The following ELOVL5 variants were observed in gnomAD, a reference collection of about 807,000 sequenced individuals.
ELOVL5 encodes the protein very long chain fatty acid elongase 5.
A neutral mutation model predicts 38.6 loss-of-function variants in ELOVL5; 8 were observed. The observed-to-expected ratio is 0.21, with a 90% CI of 0.12 to 0.37. ELOVL5 has a LOEUF of 0.37. Among genes scored for constraint, ELOVL5 ranks in the 10% least tolerant of loss-of-function variants. ELOVL5 has a pLI of 1.00. For missense variants in ELOVL5, 280 were observed against 367.8 expected (o/e 0.76, Z 1.95); for synonymous variants, 127 against 133.7 (o/e 0.95, Z 0.34).
intron 1 of ELOVL5, among the ~76,000 whole-genome samples, chr6:53,314,307 G>A (rs549985652): frequency 1.3e-5 from 2 of 152,244 alleles, no homozygotes; most frequent in Admixed American, 1.3e-4. Flanking sequence ...ACAAAACGAA[G>A]GAAAGCCAGT....
At chr6:53,328,594 A>G (rs1477978006) in intron 1 of ELOVL5, among the ~76,000 whole-genome samples, 1 of 152,228 alleles carries the variant, frequency 6.6e-6, no homozygotes, top group African/African-American at 2.4e-5. Flanking sequence ...GCAATTTTTT[A>G]TTAAAACAAA....
At chr6:53,347,907 G>A (rs1455520074) in intron 1 of ELOVL5, among the ~76,000 whole-genome samples, 1 of 152,152 alleles carries the variant, frequency 6.6e-6, no homozygotes, top group East Asian at 1.9e-4. Flanking sequence ...TTGCTCCGTC[G>A]ACCCGAGGTG....
intron 2 of ELOVL5, among the ~76,000 whole-genome samples, chr6:53,292,561 C>A (rs553485543): frequency 6.6e-6 from 1 of 152,208 alleles, no homozygotes; most frequent in Non-Finnish European, 1.5e-5. Context: ...GATGCCAAGG[C>A]GGGTGGATCA....
chr6:53,335,223 A>G (rs1769000131), intron 1 of ELOVL5, among the ~76,000 whole-genome samples: 1 of 151,490 alleles, frequency 6.6e-6, no homozygotes, highest in South Asian at 2.1e-4. Flanking sequence ...GCTGCTCCTC[A>G]CCCCCTGAAA....
chr6:53,267,935 A>T lies in ELOVL5; in HGVS notation c.*1192T>A, dbSNP rs1201054498. 2 of 152,230 alleles carry T rather than the reference A, an allele frequency of 1.3e-5. No individual in the cohort carries two copies. Among genetic ancestry groups the T allele is most frequent in the African/African-American group, 4.8e-5 (2 of 41,464 alleles). 9.4% of individuals were successfully genotyped at this position (152,230 alleles called of 1,614,324 possible). ...ATAAGCAGTCTATTATTTTTAAACA[A>T]GAGGTTCTAAACACATCTTTAGATT... is the stretch of plus-strand genomic sequence containing the variant. On this transcript the variant is annotated 3_prime_UTR_variant, in exon 8 of 8. Coordinates refer to ENST00000304434, the MANE Select transcript of ELOVL5 (RefSeq NM_021814.5).
At chr6:53,279,712 T>C (rs911430735) in intron 3 of ELOVL5, among the ~76,000 whole-genome samples, 8 of 152,234 alleles carry the variant, frequency 5.3e-5, no homozygotes, top group Non-Finnish European at 7.3e-5. Flanking sequence ...TCATCTGAAC[T>C]CTGTTCACAA....
At chr6:53,330,517 C>CTTTTTTTTTTTT (rs757160862) in intron 1 of ELOVL5, among the ~76,000 whole-genome samples, 8 of 91,424 alleles carry the variant, frequency 8.8e-5, no homozygotes, top group Admixed American at 1.5e-4. Context: ...TCTTTATAAA[C>CTTTTTTTTTTTT]TTTTTTTTTT....
intron 1 of ELOVL5, chr6:53,337,218 G>GT (rs906044046): frequency 6.6e-6 from 1 of 152,322 alleles, no homozygotes; most frequent in African/African-American, 2.4e-5. Context: ...CCAGTAGCTT[G>GT]TATTGCAGTG....
At chr6:53,329,200 GCTA>G (rs1473038194) in intron 1 of ELOVL5, among the ~76,000 whole-genome samples, 2 of 63,912 alleles carry the variant, frequency 3.1e-5, no homozygotes, top group African/African-American at 2.4e-4. Flanking sequence ...TACTACTACT[GCTA>G]CTGCTACTGC....
chr6:53,325,193 A>G (rs1019623854), intron 1 of ELOVL5, among the ~76,000 whole-genome samples: 18 of 152,184 alleles, frequency 1.2e-4, no homozygotes, highest in Admixed American at 1.0e-3. Context: ...TTCACACTCA[A>G]TTTACTAATG....
chr6:53,329,935 T>A (rs1768714353), intron 1 of ELOVL5, among the ~76,000 whole-genome samples: 1 of 152,234 alleles, frequency 6.6e-6, no homozygotes, highest in Admixed American at 6.5e-5. Flanking sequence ...TACGATTTTA[T>A]TTCTAAAAAG....
intron 3 of ELOVL5, among the ~76,000 whole-genome samples, chr6:53,280,605 T>C (rs1023525632): frequency 6.6e-6 from 1 of 152,216 alleles, no homozygotes; most frequent in Admixed American, 6.5e-5. Context: ...TGAATCTTTT[T>C]TCTTTGAGAC....
At chr6:53,277,637 A>T (rs1766190171) in intron 3 of ELOVL5, 1 of 152,284 alleles carries the variant, frequency 6.6e-6, no homozygotes, top group African/African-American at 2.4e-5. Context: ...TTGAAAGATC[A>T]GTACCCACAT....
chr6:53,269,162 T>C lies in ELOVL5; in HGVS notation c.865A>G (p.Asn289Asp), dbSNP rs747885293. ...CGCAGCTTCCTTGGCTTCACATTGT[T>C]TTCCAGGGGTGAAAAGCTGTTGGTG... ...GHTNSFSPLE[N>D]NVKPRKLRKD Residue 289 changes from asparagine (N) to aspartate (D), a missense_variant, in exon 8 of 8, where the codon AAC becomes GAC. Physicochemically the swap from Asn to Asp is conservative, Grantham distance 23. Coordinates refer to ENST00000304434, the MANE Select transcript of ELOVL5 (RefSeq NM_021814.5). The C allele has an allele frequency of 1.2e-6, 2 of 1,614,044 alleles. No homozygotes were observed. Among genetic ancestry groups the C allele is most frequent in the South Asian group, 1.1e-5 (1 of 91,060 alleles).
chr6:53,311,825 G>A (rs1422534634), intron 1 of ELOVL5, among the ~76,000 whole-genome samples: 2 of 152,174 alleles, frequency 1.3e-5, no homozygotes, highest in African/African-American at 4.8e-5. Context: ...GGAATGGGAA[G>A]TGACCGATAC....
At chr6:53,283,770 T>C (rs1233000310) in intron 3 of ELOVL5, among the ~76,000 whole-genome samples, 1 of 152,184 alleles carries the variant, frequency 6.6e-6, no homozygotes, top group African/African-American at 2.4e-5. Context: ...AGCAGACTTC[T>C]CTGGAATAAA....
rs1208693456 is a variant in ELOVL5 at position 53,297,017 on chromosome 6, A to C, written c.-8-1310T>G. ...TCAATCCAGATGAGATGGGACGTAG[A>C]GATAGGAGGAGCCATCAATGACACT... On this transcript the variant is annotated intron_variant, in intron 1 of 7. Coordinates refer to ENST00000304434, the MANE Select transcript of ELOVL5 (RefSeq NM_021814.5). Among the ~76,000 whole-genome samples the C allele has an allele frequency of 3.3e-5, 5 of 152,242 alleles. No individual in the cohort carries two copies. The East Asian group carries it at 7.7e-4, about 23-fold the overall frequency.
chr6:53,271,367 TGG>T (rs1765914595), intron 6 of ELOVL5, among the ~76,000 whole-genome samples: 1 of 152,108 alleles, frequency 6.6e-6, no homozygotes, highest in South Asian at 2.1e-4. Flanking sequence ...CTGGCCAAAA[TGG>T]TGAAACCCTG....
At chr6:53,322,496 A>T (rs79803305) in intron 1 of ELOVL5, among the ~76,000 whole-genome samples, 2,229 of 152,292 alleles carry the variant, frequency 0.015, 65 homozygotes, top group African/African-American at 0.051. Flanking sequence ...AAATATTTTT[A>T]CTTGCTCACA....
Sources: allele counts gnomAD v4.1 joint callset (sites outside exome capture counted in the v4.1 genomes callset), GRCh38; gene constraint gnomAD v4.1.1; transcripts MANE v1.5; gene names NCBI Gene and HGNC (gene_info 2026-07-23, HGNC 2026-07-21).